RBFOX1: variants seen among roughly 807,000 people sequenced by gnomAD.
The protein encoded by RBFOX1 is RNA binding protein fox-1 homolog 1.
In RBFOX1, 8 loss-of-function variants were observed where a neutral mutation model predicts 57.7. That is an observed-to-expected ratio of 0.14 (90% CI 0.08 to 0.25). The LOEUF is 0.25. RBFOX1 is among the 10% of genes least tolerant of loss of function. The pLI is 1.00. For missense variants in RBFOX1, 611 were observed against 548.5 expected (o/e 1.11, Z -1.14); for synonymous variants, 326 against 222.4 (o/e 1.47, Z -4.15).
At chr16:7,130,177 G>A (rs974951025) in intron 4 of RBFOX1, among the ~76,000 whole-genome samples, 7 of 151,750 alleles carry the variant, frequency 4.6e-5, no homozygotes, top group Non-Finnish European at 1.5e-5. Flanking sequence ...GAATTAACAG[G>A]CACGTGCCAC....
chr16:6,605,585 T>C (rs948590480), intron 2 of RBFOX1, among the ~76,000 whole-genome samples: 2 of 152,176 alleles, frequency 1.3e-5, no homozygotes, highest in African/African-American at 2.4e-5. Context: ...TCATTTTTAC[T>C]TGTGCTGCTA....
intron 4 of RBFOX1, among the ~76,000 whole-genome samples, chr16:7,290,856 G>T (rs572640353): frequency 6.6e-6 from 1 of 152,322 alleles, no homozygotes; most frequent in Admixed American, 6.5e-5. Flanking sequence ...CAGCATGCTT[G>T]TGGGTAATGT....
At chr16:6,049,542 A>G (rs1226253252) in intron 1 of RBFOX1, among the ~76,000 whole-genome samples, 5 of 152,172 alleles carry the variant, frequency 3.3e-5, no homozygotes, top group Non-Finnish European at 5.9e-5. Context: ...TAAATATTTC[A>G]GGTTGCATCT....
At chr16:6,020,537 C>T (rs1205447518) in intron 1 of RBFOX1, among the ~76,000 whole-genome samples, 1 of 152,130 alleles carries the variant, frequency 6.6e-6, no homozygotes. Flanking sequence ...GGAATCGATG[C>T]CCCGCGGTGC....
intron 4 of RBFOX1, among the ~76,000 whole-genome samples, chr16:7,459,238 A>C (rs938018555): frequency 6.6e-6 from 1 of 152,142 alleles, no homozygotes; most frequent in Admixed American, 6.5e-5. Flanking sequence ...AGTAATCTCT[A>C]CTTTCTAGAC....
intron 2 of RBFOX1, among the ~76,000 whole-genome samples, chr16:6,554,788 A>G (rs1370186613): frequency 6.9e-6 from 1 of 145,732 alleles, no homozygotes; most frequent in Admixed American, 7.0e-5. Flanking sequence ...ACAGACACAC[A>G]CACAGACACA....
intron 2 of RBFOX1, among the ~76,000 whole-genome samples, chr16:6,537,921 G>C (rs550987880): frequency 1.3e-5 from 2 of 151,678 alleles, no homozygotes; most frequent in Non-Finnish European, 2.9e-5. Context: ...CCGGCCTAAA[G>C]AGCAAGATTT....
chr16:5,905,003 A>G (rs186588061), intron 4 of RBFOX1, among the ~76,000 whole-genome samples: 19 of 148,502 alleles, frequency 1.3e-4, no homozygotes, highest in African/African-American at 2.7e-4. Context: ...AAGAGAGGTA[A>G]TCAGATGAAA....
chr16:6,843,572 C>G (rs1034737268), intron 3 of RBFOX1, among the ~76,000 whole-genome samples: 1 of 152,020 alleles, frequency 6.6e-6, no homozygotes, highest in Non-Finnish European at 1.5e-5. Flanking sequence ...ACCTGTAGTC[C>G]CAGCTACTCA....
intron 2 of RBFOX1, among the ~76,000 whole-genome samples, chr16:6,573,206 G>C (rs1038325805): frequency 1.3e-4 from 20 of 152,118 alleles, no homozygotes; most frequent in Admixed American, 1.0e-3. Flanking sequence ...TGCCCTTTCA[G>C]TAGACAACGT....
At chr16:6,607,318 A>C (rs2097948214) in intron 2 of RBFOX1, among the ~76,000 whole-genome samples, 1 of 152,194 alleles carries the variant, frequency 6.6e-6, no homozygotes, top group Non-Finnish European at 1.5e-5. Flanking sequence ...CATCCCTTAA[A>C]AATCAAGCAT....
intron 2 of RBFOX1, among the ~76,000 whole-genome samples, chr16:6,596,598 T>G (rs957341753): frequency 6.6e-6 from 1 of 152,198 alleles, no homozygotes; most frequent in African/African-American, 2.4e-5. Context: ...GAACAGAACT[T>G]CAGAATAAAA....
rs116111465 is a variant in RBFOX1 at position 6,876,216 on chromosome 16, A to T, written c.-15-175841A>T. ...AACAAAGCAAAGCAAAACAAAAAGC[A>T]TCAGCAACACAATCCATCTTAGATT... On this transcript the variant is annotated intron_variant, in intron 3 of 15. Coordinates refer to ENST00000550418, the MANE Select transcript of RBFOX1 (RefSeq NM_018723.4). Among the ~76,000 whole-genome samples, 137 of 152,128 alleles carry T rather than the reference A, an allele frequency of 9.0e-4. 1 individual carries two copies. The highest frequency in any genetic ancestry group is 3.3e-3 in the African/African-American group (136 of 41,512).
intron 2 of RBFOX1, among the ~76,000 whole-genome samples, chr16:5,483,034 A>G (rs977561772): frequency 5.9e-5 from 9 of 152,202 alleles, no homozygotes; most frequent in African/African-American, 1.9e-4. Context: ...GCAGTCAATA[A>G]AACACATTCA....
At chr16:7,068,224 C>T (rs1194545064) in intron 4 of RBFOX1, among the ~76,000 whole-genome samples, 1 of 152,116 alleles carries the variant, frequency 6.6e-6, no homozygotes, top group East Asian at 1.9e-4. Context: ...GATCTAAGAT[C>T]AGCCAGCCAA....
At chr16:6,466,313 G>C (rs1010932900) in intron 2 of RBFOX1, among the ~76,000 whole-genome samples, 4 of 151,454 alleles carry the variant, frequency 2.6e-5, no homozygotes, top group African/African-American at 9.7e-5. Context: ...TAACATCATT[G>C]GTTTGTTTTT....
intron 2 of RBFOX1, among the ~76,000 whole-genome samples, chr16:6,450,821 A>G (rs1363106667): frequency 8.4e-4 from 24 of 28,604 alleles, no homozygotes; most frequent in South Asian, 2.5e-3. Flanking sequence ...ATATATACAT[A>G]TATATATATA....
At chr16:7,635,051 T>C (rs1474110445) in intron 11 of RBFOX1, among the ~76,000 whole-genome samples, 1 of 152,232 alleles carries the variant, frequency 6.6e-6, no homozygotes, top group Non-Finnish European at 1.5e-5. Flanking sequence ...GTCAGCCTGC[T>C]CCTCTTGTTG....
chr16:6,359,572 G>A (rs1315559208), intron 2 of RBFOX1, among the ~76,000 whole-genome samples: 5 of 152,246 alleles, frequency 3.3e-5, no homozygotes, highest in Non-Finnish European at 2.9e-5. Context: ...GTTAACTATT[G>A]CTTTGCCACT....
Sources: allele counts gnomAD v4.1 joint callset (sites outside exome capture counted in the v4.1 genomes callset), GRCh38; gene constraint gnomAD v4.1.1; transcripts MANE v1.5; gene names NCBI Gene and HGNC (gene_info 2026-07-23, HGNC 2026-07-21).